The following ROBO1 variants were observed in gnomAD, a reference collection of about 807,000 sequenced individuals.
The protein encoded by ROBO1 is roundabout homolog 1.
A neutral mutation model predicts 195.9 loss-of-function variants in ROBO1; 149 were observed. The observed-to-expected ratio is 0.76, with a 90% CI of 0.67 to 0.87. ROBO1 has a LOEUF of 0.87. Ranked by LOEUF, ROBO1 falls within the 40% of genes least tolerant of loss-of-function variation. ROBO1 has a pLI of 0.00. For synonymous variants in ROBO1, 816 were observed against 733.2 expected, an observed-to-expected ratio of 1.11 and a Z score of -1.82; for missense variants, 1,933 against 2,068.3, an observed-to-expected ratio of 0.93 and a Z score of 1.27.
chr3:78,617,521 AC>A, intron 27 of ROBO1, 113 bp downstream of exon 27: 3 of 1,130,974 alleles, frequency 2.7e-6, no homozygotes, highest in Non-Finnish European at 3.6e-6. Flanking sequence ...AAAAAAAAAA[AC>A]TGTAAGAATA....
At chr3:78,600,704 T>C (rs1473700179) in intron 29 of ROBO1, among the ~76,000 whole-genome samples, 2 of 152,218 alleles carry the variant, frequency 1.3e-5, no homozygotes, top group Non-Finnish European at 2.9e-5. Flanking sequence ...ATAACATCTA[T>C]ACCTAGAGGG....
chr3:79,240,108 A>G (rs2082484954), intron 2 of ROBO1, among the ~76,000 whole-genome samples: 1 of 152,158 alleles, frequency 6.6e-6, no homozygotes, highest in Admixed American at 6.6e-5. Context: ...GTTATTAACT[A>G]TAGTCACTAT....
chr3:79,540,086 G>A (rs1432729388), intron 2 of ROBO1, among the ~76,000 whole-genome samples: 1 of 151,884 alleles, frequency 6.6e-6, no homozygotes, highest in East Asian at 1.9e-4. Context: ...TACATTTCAG[G>A]GCATTGAAAT....
At chr3:79,125,323 T>A (rs1226655289) in intron 3 of ROBO1, 133 bp downstream of exon 3, 6 of 723,366 alleles carry the variant, frequency 8.3e-6, no homozygotes, top group Admixed American at 2.2e-5. Context: ...CAGAATGAAG[T>A]TTGAAAAATG....
intron 2 of ROBO1, among the ~76,000 whole-genome samples, chr3:79,343,982 C>G (rs1036917104): frequency 5.3e-5 from 8 of 151,986 alleles, no homozygotes; most frequent in African/African-American, 1.9e-4. Context: ...CATCTCAGTA[C>G]TAAAGTCAGA....
intron 2 of ROBO1, among the ~76,000 whole-genome samples, chr3:79,530,364 G>T (rs1018943607): frequency 2.0e-5 from 3 of 152,000 alleles, no homozygotes; most frequent in Non-Finnish European, 4.4e-5. Flanking sequence ...GTTCGAGAGA[G>T]ATTTTTTTTC....
chr3:79,633,784 A>C (rs918038838), intron 1 of ROBO1, among the ~76,000 whole-genome samples: 2 of 151,822 alleles, frequency 1.3e-5, no homozygotes, highest in African/African-American at 4.9e-5. Flanking sequence ...TTTCAAAATT[A>C]TTATTAAAAG....
At chr3:79,001,123 G>A (rs1047646482) in intron 3 of ROBO1, among the ~76,000 whole-genome samples, 1 of 151,976 alleles carries the variant, frequency 6.6e-6, no homozygotes, top group African/African-American at 2.4e-5. Context: ...GCCTGTCAGG[G>A]GGTCGGGGGA....
intron 2 of ROBO1, among the ~76,000 whole-genome samples, chr3:79,467,749 G>T (rs1247823353): frequency 6.6e-6 from 1 of 152,092 alleles, no homozygotes; most frequent in Non-Finnish European, 1.5e-5. Context: ...GTAGCAAGTG[G>T]GCACTGAGCT....
At chr3:78,884,279 G>GT (rs2036367189) in intron 4 of ROBO1, among the ~76,000 whole-genome samples, 1 of 152,112 alleles carries the variant, frequency 6.6e-6, no homozygotes, top group Non-Finnish European at 1.5e-5. Context: ...ATGGATTTCT[G>GT]TGAGATGTTA....
At chr3:79,621,257 C>A (rs780356237) in intron 1 of ROBO1, among the ~76,000 whole-genome samples, 1 of 152,176 alleles carries the variant, frequency 6.6e-6, no homozygotes, top group African/African-American at 2.4e-5. Flanking sequence ...CCCCTGCCCA[C>A]AACAGAAAAA....
intron 2 of ROBO1, among the ~76,000 whole-genome samples, chr3:79,224,395 T>A (rs1189994811): frequency 6.6e-6 from 1 of 152,328 alleles, no homozygotes; most frequent in Non-Finnish European, 1.5e-5. Flanking sequence ...GGCACTCAGC[T>A]GCAAACTCAG....
At chr3:79,135,050 T>A (rs201763897) in intron 2 of ROBO1, among the ~76,000 whole-genome samples, 4 of 64,250 alleles carry the variant, frequency 6.2e-5, no homozygotes, top group Non-Finnish European at 6.6e-5. Flanking sequence ...AAAAAAAACA[T>A]TAAAAAAAAA....
At chr3:79,221,386 GC>G (rs2082136069) in intron 2 of ROBO1, among the ~76,000 whole-genome samples, 1 of 152,072 alleles carries the variant, frequency 6.6e-6, no homozygotes, top group Non-Finnish European at 1.5e-5. Context: ...CTGATGAGAA[GC>G]AGACCCAATT....
At chr3:79,685,600 G>T (rs1947080638) in intron 1 of ROBO1, among the ~76,000 whole-genome samples, 1 of 152,144 alleles carries the variant, frequency 6.6e-6, no homozygotes, top group African/African-American at 2.4e-5. Flanking sequence ...GGCAGTTAAT[G>T]AAAGTTCTCT....
At chr3:79,358,244 T>C (rs2035634367) in intron 2 of ROBO1, among the ~76,000 whole-genome samples, 1 of 152,074 alleles carries the variant, frequency 6.6e-6, no homozygotes, top group Non-Finnish European at 1.5e-5. Flanking sequence ...ACACTAAGAA[T>C]AGTGTTTGGC....
chr3:78,971,013 T>C (rs554830547), intron 3 of ROBO1, among the ~76,000 whole-genome samples: 1 of 151,870 alleles, frequency 6.6e-6, no homozygotes, highest in Non-Finnish European at 1.5e-5. Flanking sequence ...AATACTAGAA[T>C]ACACATATGA....
chr3:79,251,294 C>A lies in ROBO1; in HGVS notation c.89-125755G>T, dbSNP rs149917233. Among the ~76,000 whole-genome samples the A allele has an allele frequency of 1.8e-3, 269 of 152,166 alleles. 2 individuals carry two copies. The highest frequency in any genetic ancestry group is 6.2e-3 in the African/African-American group (259 of 41,522). On this transcript the variant is annotated intron_variant, in intron 2 of 30. Transcript: ENST00000464233. ...AAGGCAAGCAAGTGGGCAAATATTT[C>A]TTCATTGTCTTATTTGCTTGCATGC...
At chr3:78,973,907 CTT>C (rs1392420409) in intron 3 of ROBO1, among the ~76,000 whole-genome samples, 1 of 151,936 alleles carries the variant, frequency 6.6e-6, no homozygotes, top group Non-Finnish European at 1.5e-5. Flanking sequence ...TTTCAAAACT[CTT>C]GAGTGTGTAT....
Sources: allele counts gnomAD v4.1 joint callset (sites outside exome capture counted in the v4.1 genomes callset), GRCh38; gene constraint gnomAD v4.1.1; transcripts MANE v1.5; gene names NCBI Gene and HGNC (gene_info 2026-07-23, HGNC 2026-07-21).